The following ZNF423 variants were observed in gnomAD, a reference collection of about 807,000 sequenced individuals.
ZNF423 encodes the protein zinc finger protein 423, also known as Ebf-associated zinc finger protein.
In ZNF423, 12 loss-of-function variants were observed where a neutral mutation model predicts 95.8. The observed-to-expected ratio is 0.13, with a 90% confidence interval of 0.08 to 0.20. The LOEUF is 0.20. ZNF423 is among the 10% of genes least tolerant of loss of function. The pLI is 1.00. For synonymous variants in ZNF423, 749 were observed against 711.9 expected (o/e 1.05, Z -0.83); for missense variants, 1,316 against 1,737.1 (o/e 0.76, Z 4.31).
chr16:49,665,715 A>G (rs545642583), intron 3 of ZNF423, among the ~76,000 whole-genome samples: 5 of 151,512 alleles, frequency 3.3e-5, no homozygotes, highest in Admixed American at 6.6e-5. Context: ...CCCCATCAGC[A>G]CCTCTGGAGG....
intron 2 of ZNF423, among the ~76,000 whole-genome samples, chr16:49,758,387 C>G (rs557802885): frequency 4.7e-4 from 71 of 152,292 alleles, no homozygotes; most frequent in Middle Eastern, 3.4e-3. Flanking sequence ...GATCCACCCC[C>G]CTCAGCCTCC....
chr16:49,836,847 G>C (rs1424687333), intron 1 of ZNF423, among the ~76,000 whole-genome samples: 1 of 152,146 alleles, frequency 6.6e-6, no homozygotes, highest in African/African-American at 2.4e-5. Flanking sequence ...AGAGGTCTGG[G>C]ACCAGGCCCA....
At chr16:49,626,065 T>C (rs1972253277) in intron 5 of ZNF423, 105 bp downstream of exon 5, 13 of 1,100,310 alleles carry the variant, frequency 1.2e-5, no homozygotes, top group Non-Finnish European at 1.8e-5. Context: ...ACAGCAGCAG[T>C]GACTCTGTCC....
At chr16:49,777,180 T>C (rs1388130867) in intron 2 of ZNF423, among the ~76,000 whole-genome samples, 1 of 152,156 alleles carries the variant, frequency 6.6e-6, no homozygotes, top group African/African-American at 2.4e-5. Flanking sequence ...ATGTGTGTAG[T>C]ATGGAGGAAC....
chr16:49,646,574 C>CTTTTTTTTTTTTTTTTCTTTTTTTTTTT (rs71380366), intron 3 of ZNF423, among the ~76,000 whole-genome samples: 1 of 118,010 alleles, frequency 8.5e-6, no homozygotes, highest in Non-Finnish European at 1.9e-5. Context: ...TTTTCTTTTT[C>CTTTTTTTTTTTTTTTTCTTTTTTTTTTT]TTTTTTTTTT....
chr16:49,851,667 C>A (rs920595490), intron 1 of ZNF423, among the ~76,000 whole-genome samples: 1 of 152,198 alleles, frequency 6.6e-6, no homozygotes, highest in African/African-American at 2.4e-5. Flanking sequence ...TGTAAAGTCA[C>A]CCGCATTTTG....
intron 7 of ZNF423, among the ~76,000 whole-genome samples, chr16:49,521,950 G>A (rs867448606): frequency 6.6e-6 from 1 of 152,372 alleles, no homozygotes; most frequent in African/African-American, 2.4e-5. Flanking sequence ...AGGCCTGGCA[G>A]TGTGGGTGGG....
At chr16:49,592,236 G>A (rs1403113806) in intron 5 of ZNF423, among the ~76,000 whole-genome samples, 1 of 152,200 alleles carries the variant, frequency 6.6e-6, no homozygotes, top group Non-Finnish European at 1.5e-5. Context: ...GTTAACAGCA[G>A]TTTTCCCTGG....
At chr16:49,593,108 A>G (rs1971064727) in intron 5 of ZNF423, among the ~76,000 whole-genome samples, 1 of 152,176 alleles carries the variant, frequency 6.6e-6, no homozygotes, top group Non-Finnish European at 1.5e-5. Context: ...ACTGCTATCC[A>G]CAGCAATCCA....
chr16:49,501,933 T>C (rs748207502), intron 7 of ZNF423, among the ~76,000 whole-genome samples: 4 of 152,172 alleles, frequency 2.6e-5, no homozygotes, highest in Non-Finnish European at 5.9e-5. Flanking sequence ...AGGTACTATG[T>C]TCATGACCTG....
intron 1 of ZNF423, among the ~76,000 whole-genome samples, chr16:49,844,545 C>T (rs1054865586): frequency 6.6e-6 from 1 of 152,212 alleles, no homozygotes; most frequent in South Asian, 2.1e-4. Context: ...CTGACTCTCA[C>T]GGTGAACCCA....
At chr16:49,499,342 C>T (rs1967294509) in intron 7 of ZNF423, among the ~76,000 whole-genome samples, 2 of 152,236 alleles carry the variant, frequency 1.3e-5, no homozygotes, top group African/African-American at 4.8e-5. Flanking sequence ...AGTGTTGCAA[C>T]GCTCAGCCAG....
chr16:49,646,429 T>C (rs1195523644), intron 3 of ZNF423, among the ~76,000 whole-genome samples: 1 of 152,148 alleles, frequency 6.6e-6, no homozygotes, highest in Non-Finnish European at 1.5e-5. Flanking sequence ...TCCCTGCCTG[T>C]AAAACTAGCA....
rs550243605 is a variant in ZNF423 at position 49,759,765 on chromosome 16, G to A, written c.101-28794C>T. On this transcript the variant is annotated intron_variant, in intron 2 of 7. Coordinates refer to ENST00000563137, the MANE Select transcript of ZNF423 (RefSeq NM_001379286.1). ...ATGTGTTGGGTGCCTAACATTCCAA[G>A]TGTAAAGTCCTTTTTTGTGTAATTC... Among the ~76,000 whole-genome samples the A allele has an allele frequency of 1.2e-3, 176 of 152,304 alleles. 2 individuals carry two copies. The highest frequency in any genetic ancestry group is 1.3e-3 in the Non-Finnish European group (91 of 68,034).
chr16:49,667,569 T>C (rs2030603970), intron 3 of ZNF423, among the ~76,000 whole-genome samples: 1 of 152,234 alleles, frequency 6.6e-6, no homozygotes, highest in Admixed American at 6.5e-5. Context: ...AAAGCAATTG[T>C]TATCTCCATG....
At chr16:49,850,516 A>G (rs2035291366) in intron 1 of ZNF423, among the ~76,000 whole-genome samples, 1 of 152,220 alleles carries the variant, frequency 6.6e-6, no homozygotes, top group Non-Finnish European at 1.5e-5. Context: ...AGGAACCCTG[A>G]TATCTTCTGC....
chr16:49,522,060 C>T (rs1008888294), intron 7 of ZNF423, among the ~76,000 whole-genome samples: 4 of 152,226 alleles, frequency 2.6e-5, no homozygotes, highest in African/African-American at 9.6e-5. Flanking sequence ...AGTGACTCTG[C>T]ATGGTGTAAG....
intron 5 of ZNF423, among the ~76,000 whole-genome samples, chr16:49,604,026 C>T (rs1182200016): frequency 6.6e-6 from 1 of 152,162 alleles, no homozygotes; most frequent in Non-Finnish European, 1.5e-5. Flanking sequence ...GACGAAAGGC[C>T]CTTGGGTGTT....
chr16:49,583,227 T>C (rs1401951357), intron 5 of ZNF423, among the ~76,000 whole-genome samples: 1 of 152,174 alleles, frequency 6.6e-6, no homozygotes, highest in African/African-American at 2.4e-5. Flanking sequence ...CAACTTGCAA[T>C]GGTGGGTTTT....
Sources: allele counts gnomAD v4.1 joint callset (sites outside exome capture counted in the v4.1 genomes callset), GRCh38; gene constraint gnomAD v4.1.1; transcripts MANE v1.5; gene names NCBI Gene and HGNC (gene_info 2026-07-23, HGNC 2026-07-21).